WWOX: variants seen among roughly 807,000 people sequenced by gnomAD.
The protein encoded by WWOX is WW domain containing oxidoreductase.
WWOX carries 69 observed loss-of-function variants against 46.2 expected under a neutral mutation model. The ratio of observed to expected loss-of-function variants is 1.49; its 90% CI spans 1.23 to 1.82. The LOEUF (loss-of-function observed/expected upper bound fraction) is 1.82. Ranked by LOEUF, WWOX falls within the 40% of genes most tolerant of loss-of-function variation. The pLI, the probability that WWOX is intolerant of heterozygous loss-of-function variation, is 0.00. For synonymous variants in WWOX, 359 were observed against 202.6 expected, an observed-to-expected ratio of 1.77 and a Z score of -6.56; for missense variants, 919 against 542.6, an observed-to-expected ratio of 1.69 and a Z score of -6.89.
chr16:78,922,076 C>T (rs1054859674), intron 8 of WWOX, among the ~76,000 whole-genome samples: 1 of 152,146 alleles, frequency 6.6e-6, no homozygotes, highest in African/African-American at 2.4e-5. Context: ...TATTGTCAGA[C>T]AGAGAAACTC....
At chr16:79,112,468 C>G (rs920416531) in intron 8 of WWOX, among the ~76,000 whole-genome samples, 8 of 152,152 alleles carry the variant, frequency 5.3e-5, no homozygotes, top group Admixed American at 5.2e-4. Context: ...CCCCAGATGC[C>G]TGCGTGCCTT....
intron 8 of WWOX, among the ~76,000 whole-genome samples, chr16:78,749,761 A>G (rs535244285): frequency 6.6e-6 from 1 of 152,270 alleles, no homozygotes; most frequent in East Asian, 1.9e-4. Context: ...GGATGTTCAA[A>G]TCTCGAGTTA....
intron 8 of WWOX, among the ~76,000 whole-genome samples, chr16:79,005,530 C>T (rs1363897394): frequency 2.0e-5 from 3 of 152,160 alleles, no homozygotes; most frequent in South Asian, 2.1e-4. Context: ...ATGGGGGCGT[C>T]CTCTTTGCCT....
At chr16:79,110,044 T>A (rs2049387101) in intron 8 of WWOX, among the ~76,000 whole-genome samples, 1 of 152,170 alleles carries the variant, frequency 6.6e-6, no homozygotes, top group Non-Finnish European at 1.5e-5. Context: ...GCCTGGTAGA[T>A]ATTGAGCAGG....
intron 5 of WWOX, among the ~76,000 whole-genome samples, chr16:78,284,227 T>C (rs1239730409): frequency 6.6e-6 from 1 of 152,198 alleles, no homozygotes; most frequent in Non-Finnish European, 1.5e-5. Context: ...GTACTTTTTG[T>C]TGGTAACTTC....
In WWOX at chr16:79,150,344, A is replaced by T. The variant is rs1165311552; in HGVS notation, c.1057-61264A>T. On this transcript the variant is annotated intron_variant, in intron 8 of 8. Transcript: ENST00000566780. ...TGACTCATGCATCAGGAACTTGGAG[A>T]TAAAGCCCTGTTAATAATTCATAAT... Among the ~76,000 whole-genome samples, 5 of 152,220 alleles carry T rather than the reference A, an allele frequency of 3.3e-5. No homozygotes were observed. In the South Asian group the frequency reaches 6.2e-4, roughly 19 times the overall value.
chr16:78,883,529 G>C (rs531837690), intron 8 of WWOX, among the ~76,000 whole-genome samples: 29 of 152,216 alleles, frequency 1.9e-4, no homozygotes, highest in Non-Finnish European at 3.8e-4. Context: ...TTCGAGACCA[G>C]CCTGGCGAAC....
chr16:78,693,191 A>G (rs1000414070), intron 8 of WWOX, among the ~76,000 whole-genome samples: 3 of 152,160 alleles, frequency 2.0e-5, no homozygotes, highest in Non-Finnish European at 4.4e-5. Flanking sequence ...TTCAACTCAG[A>G]TATTGACTGC....
At chr16:79,159,032 C>G (rs2050435280) in intron 8 of WWOX, among the ~76,000 whole-genome samples, 1 of 152,202 alleles carries the variant, frequency 6.6e-6, no homozygotes, top group African/African-American at 2.4e-5. Flanking sequence ...CCTAAAGCAG[C>G]TCTGAAAATT....
chr16:78,876,839 G>T (rs1332461546), intron 8 of WWOX, among the ~76,000 whole-genome samples: 1 of 152,132 alleles, frequency 6.6e-6, no homozygotes, highest in Non-Finnish European at 1.5e-5. Flanking sequence ...TTAACAGCTT[G>T]GCAAACCCAG....
At chr16:78,289,219 A>C (rs1451598329) in intron 5 of WWOX, among the ~76,000 whole-genome samples, 1 of 152,190 alleles carries the variant, frequency 6.6e-6, no homozygotes, top group Non-Finnish European at 1.5e-5. Flanking sequence ...TTCAAGTTGA[A>C]TAAATGAGAG....
chr16:78,468,821 G>A (rs1213364354), intron 8 of WWOX, among the ~76,000 whole-genome samples: 5 of 152,318 alleles, frequency 3.3e-5, no homozygotes, highest in African/African-American at 1.2e-4. Context: ...ACTGTGCAGT[G>A]TAATTCCATA....
At chr16:78,706,131 A>G (rs180857545) in intron 8 of WWOX, among the ~76,000 whole-genome samples, 1 of 146,250 alleles carries the variant, frequency 6.8e-6, no homozygotes, top group Admixed American at 7.1e-5. Context: ...ATGTTTATAA[A>G]AATCATTCTT....
intron 8 of WWOX, among the ~76,000 whole-genome samples, chr16:79,092,984 G>A (rs2048994714): frequency 6.6e-6 from 1 of 152,040 alleles, no homozygotes; most frequent in South Asian, 2.1e-4. Flanking sequence ...AAAAGTAATC[G>A]CGGTTTTCAC....
chr16:78,289,239 T>G (rs1227346203), intron 5 of WWOX, among the ~76,000 whole-genome samples: 1 of 152,154 alleles, frequency 6.6e-6, no homozygotes, highest in Non-Finnish European at 1.5e-5. Flanking sequence ...GCTAATGATT[T>G]TTTAAGGCGT....
At chr16:79,077,627 C>T (rs1027235481) in intron 8 of WWOX, 1 of 142,096 alleles carries the variant, frequency 7.0e-6, no homozygotes, top group Non-Finnish European at 1.5e-5. Flanking sequence ...ACCCAATGTC[C>T]TTAAATGGTC....
At chr16:78,967,732 C>G (rs1167824009) in intron 8 of WWOX, among the ~76,000 whole-genome samples, 10 of 152,016 alleles carry the variant, frequency 6.6e-5, no homozygotes, top group Non-Finnish European at 1.2e-4. Context: ...CGGTCAGGAC[C>G]TGACTTAGGA....
chr16:78,356,274 AC>A (rs373820634), intron 5 of WWOX, among the ~76,000 whole-genome samples: 5 of 152,120 alleles, frequency 3.3e-5, no homozygotes, highest in Non-Finnish European at 7.4e-5. Flanking sequence ...CATATATATC[AC>A]ATTTCTTTTT....
intron 8 of WWOX, among the ~76,000 whole-genome samples, chr16:79,022,443 C>G (rs2047553010): frequency 6.6e-6 from 1 of 150,812 alleles, no homozygotes; most frequent in African/African-American, 2.4e-5. Context: ...ATAAAGCTGT[C>G]TACTTTACAT....
Sources: gnomAD v4.1 joint callset for allele counts (sites outside exome capture counted in the v4.1 genomes callset) on GRCh38, gnomAD v4.1.1 for gene constraint, MANE v1.5 for transcripts, NCBI Gene and HGNC (gene_info 2026-07-23, HGNC 2026-07-21) for gene names.